RPTOR: variants seen among roughly 807,000 people sequenced by gnomAD.
The protein encoded by RPTOR is regulatory associated protein of MTOR complex 1.
In RPTOR, 21 loss-of-function variants were observed where a neutral mutation model predicts 169.9. The observed-to-expected ratio is 0.12, with a 90% confidence interval of 0.09 to 0.18. The LOEUF (loss-of-function observed/expected upper bound fraction) is 0.18. Ranked by LOEUF, RPTOR falls within the 10% of genes least tolerant of loss-of-function variation. The probability of loss-of-function intolerance (pLI) is 1.00; values close to 1 mark genes in which losing one functional copy is unlikely to be tolerated. For missense variants in RPTOR, 1,133 were observed against 1,855.9 expected, an observed-to-expected ratio of 0.61 and a Z score of 7.16; for synonymous variants, 732 against 753.2, an observed-to-expected ratio of 0.97 and a Z score of 0.46.
rs550853215 is a variant in RPTOR, at chr17:80,947,136, TAG to T, written c.3141-90_3141-89del. 1.5e-4 allele frequency: 198 copies of T among 1,304,206 alleles called. No homozygotes were observed. The highest frequency in any genetic ancestry group is 1.9e-4 in the Non-Finnish European group (191 of 983,836). The allele number at this position is 1,304,206 out of a possible 1,614,324, so 80.8% of individuals were successfully genotyped here. On this transcript the variant is annotated intron_variant, in intron 26 of 33. Coordinates refer to ENST00000306801, the MANE Select transcript of RPTOR (RefSeq NM_020761.3). The surrounding 1 kb of genome is among the most constrained non-coding windows in gnomAD (Gnocchi z 4.4). ...CCGGCTGTGGTGTGTGGTTTTTTGA[TAG>T]CAGCCCGGTGGGTTTCAGGAGGTAT...
At chr17:80,760,572 G>C (rs1446125457) in intron 6 of RPTOR, among the ~76,000 whole-genome samples, 1 of 152,134 alleles carries the variant, frequency 6.6e-6, no homozygotes, top group Non-Finnish European at 1.5e-5. Context: ...AAAGTGCTGA[G>C]ATTACAGGCA....
intron 33 of RPTOR, among the ~76,000 whole-genome samples, chr17:80,963,702 G>C (rs367543617): frequency 9.8e-5 from 1 of 10,230 alleles, no homozygotes; most frequent in African/African-American, 3.7e-4. Flanking sequence ...CCCGTCCCCT[G>C]TGCGGCCCTC....
Position 80,846,513 on chromosome 17 carries a change from T to C in RPTOR, c.1253T>C (p.Val418Ala). The change falls in exon 11 of 34, where the codon GTG (valine) becomes GCG (alanine). Residue 418 changes from valine (V) to alanine (A), a missense_variant. By Grantham distance (64) the Val-to-Ala change is moderately conservative. Coordinates refer to ENST00000306801, the MANE Select transcript of RPTOR (RefSeq NM_020761.3). ...GCCGAGCAGCTGACCGCATTCCAGG[T>C]GTGGCTCACCATGGGCGTGGAGAAC... is the stretch of plus-strand genomic sequence containing the variant. ...FFAEQLTAFQVWLTMGVENRN... is the reference protein window; with the variant it reads ...FFAEQLTAFQAWLTMGVENRN... The C allele has an allele frequency of 6.2e-7, 1 of 1,614,192 alleles. No homozygotes were observed. The highest frequency in any genetic ancestry group is 8.5e-7 in the Non-Finnish European group (1 of 1,180,030).
intron 1 of RPTOR, among the ~76,000 whole-genome samples, chr17:80,580,099 C>T (rs1362218952): frequency 1.3e-5 from 2 of 152,180 alleles, no homozygotes; most frequent in African/African-American, 4.8e-5. Flanking sequence ...TCTCCTTTTT[C>T]AGGAGACTCT....
At chr17:80,620,891 G>A (rs2065349395) in intron 1 of RPTOR, among the ~76,000 whole-genome samples, 1 of 152,190 alleles carries the variant, frequency 6.6e-6, no homozygotes, top group Non-Finnish European at 1.5e-5. Flanking sequence ...CCCAGTTTTG[G>A]AGTTAAATTG....
chr17:80,704,023 G>A (rs1451724665), intron 3 of RPTOR, among the ~76,000 whole-genome samples: 2 of 152,162 alleles, frequency 1.3e-5, no homozygotes, highest in Non-Finnish European at 2.9e-5. Flanking sequence ...AGGACTTGGT[G>A]CTTTTTTGTT....
At chr17:80,760,606 T>A (rs1427125949) in intron 6 of RPTOR, among the ~76,000 whole-genome samples, 1 of 152,104 alleles carries the variant, frequency 6.6e-6, no homozygotes, top group Admixed American at 6.5e-5. Flanking sequence ...CCAGCCTCAG[T>A]CAAGCTTTCT....
chr17:80,665,340 T>C (rs2065756754), intron 3 of RPTOR, among the ~76,000 whole-genome samples: 1 of 5,178 alleles, frequency 1.9e-4, no homozygotes, highest in Non-Finnish European at 2.9e-4. Context: ...TCCCTTTCCT[T>C]TCCTTTCCTT....
intron 1 of RPTOR, among the ~76,000 whole-genome samples, chr17:80,617,738 C>T (rs764020258): frequency 5.9e-5 from 9 of 152,144 alleles, no homozygotes; most frequent in Non-Finnish European, 8.8e-5. Context: ...TGGGGATTAT[C>T]GACGACTAAA....
chr17:80,604,734 G>A (rs1232287748), intron 1 of RPTOR, among the ~76,000 whole-genome samples: 2 of 152,184 alleles, frequency 1.3e-5, no homozygotes, highest in Admixed American at 6.5e-5. Flanking sequence ...AGGCAAGAGA[G>A]CTTGTGTAGG....
chr17:80,868,020 T>A (rs1315603230), intron 13 of RPTOR, among the ~76,000 whole-genome samples: 1 of 152,040 alleles, frequency 6.6e-6, no homozygotes, highest in Non-Finnish European at 1.5e-5. Context: ...TGACTGTAAA[T>A]CCACAGTACT....
chr17:80,713,847 C>T (rs980911138), intron 4 of RPTOR, among the ~76,000 whole-genome samples: 6 of 152,130 alleles, frequency 3.9e-5, no homozygotes, highest in Non-Finnish European at 7.4e-5. Context: ...GAAAAGTATG[C>T]AAATCCATAA....
intron 21 of RPTOR, among the ~76,000 whole-genome samples, chr17:80,911,424 G>T (rs947481232): frequency 1.3e-5 from 2 of 152,184 alleles, no homozygotes; most frequent in African/African-American, 2.4e-5. Flanking sequence ...TTTTCATTAT[G>T]CGGTAAGAAA....
At chr17:80,859,696 A>G (rs2067895790) in intron 13 of RPTOR, among the ~76,000 whole-genome samples, 1 of 152,166 alleles carries the variant, frequency 6.6e-6, no homozygotes, top group Admixed American at 6.5e-5. Flanking sequence ...TTCCCCCCGG[A>G]CTTCGGCCAG....
chr17:80,681,160 G>A (rs759257392), intron 3 of RPTOR, among the ~76,000 whole-genome samples: 10 of 152,140 alleles, frequency 6.6e-5, no homozygotes, highest in Non-Finnish European at 1.5e-5. Context: ...CGTGTTCTGC[G>A]GAGGCCAGTT....
At chr17:80,938,403 C>T (rs567046576) in intron 24 of RPTOR, among the ~76,000 whole-genome samples, 2 of 152,352 alleles carry the variant, frequency 1.3e-5, no homozygotes, top group East Asian at 1.9e-4. Context: ...AATTTATTCC[C>T]AGAGAAGCCC....
rs756419235 is a variant in RPTOR, at chr17:80,844,558, A to G, written c.1213-1915A>G. On this transcript the variant is annotated intron_variant, in intron 10 of 33. Coordinates refer to ENST00000306801, the MANE Select transcript of RPTOR (RefSeq NM_020761.3). This position sits in a 1 kb window ranked among gnomAD's most constrained non-coding sequence, Gnocchi z 4.7. ...AATAATTCACACTTGAAAACAGGAA[A>G]ATCACTCTGGGGGCTCCAAGCCAGC... 6.6e-6 allele frequency among the ~76,000 whole-genome samples: 1 copy of G among 152,150 alleles called. No individual in the cohort carries two copies. The highest frequency in any genetic ancestry group is 2.4e-5 in the African/African-American group (1 of 41,434).
At position 80,730,758 on chromosome 17, in the gene RPTOR, T is replaced by TTTTTTTTTTTAC; in HGVS notation, c.654+52_654+53insTTTTTTTTTTAC. ...GTGCTGGGTTTGGTTTTGTTTTCCC[T>TTTTTTTTTTTAC]GGGGGTGGGGTTTGGGTGGGGAGGT... On this transcript the variant is annotated intron_variant, in intron 5 of 33. Coordinates refer to ENST00000306801, the MANE Select transcript of RPTOR (RefSeq NM_020761.3). The surrounding 1 kb of genome is among the most constrained non-coding windows in gnomAD (Gnocchi z 4.2). 2.1e-6 allele frequency: 1 copy of TTTTTTTTTTTAC among 467,258 alleles called. No individual in the cohort carries two copies. 28.9% of individuals were successfully genotyped at this position (467,258 alleles called of 1,614,324 possible). A position where few individuals can be genotyped will look rare whatever the true frequency, so the allele number is the denominator to read the frequency against.
chr17:80,873,907 C>T (rs143922937), intron 13 of RPTOR, among the ~76,000 whole-genome samples: 144 of 152,272 alleles, frequency 9.5e-4, no homozygotes, highest in Middle Eastern at 6.8e-3. Context: ...CTGGGGAAGT[C>T]GTGCAGACGT....
Sources: allele counts gnomAD v4.1 joint callset (sites outside exome capture counted in the v4.1 genomes callset), GRCh38; gene constraint gnomAD v4.1.1; non-coding constraint Gnocchi (gnomAD v3.1); transcripts MANE v1.5; gene names NCBI Gene and HGNC (gene_info 2026-07-23, HGNC 2026-07-21).